The following DOK6 variants were observed in gnomAD, a reference collection of about 807,000 sequenced individuals.
DOK6 encodes the protein docking protein 6.
DOK6 carries 22 observed loss-of-function variants against 44.0 expected under a neutral mutation model. The observed-to-expected ratio is 0.50, with a 90% CI of 0.36 to 0.71. The LOEUF (loss-of-function observed/expected upper bound fraction) is 0.71. Ranked by LOEUF, DOK6 falls within the 30% of genes least tolerant of loss-of-function variation. The pLI, the probability that DOK6 is intolerant of heterozygous loss-of-function variation, is 0.00. For synonymous variants in DOK6, 166 were observed against 145.5 expected (o/e 1.14, Z -1.01); for missense variants, 340 against 416.4 (o/e 0.82, Z 1.60).
chr18:69,651,936 CTAATT>C (rs61326828), intron 3 of DOK6, among the ~76,000 whole-genome samples: 53,821 of 151,658 alleles, frequency 0.35, 10,736 homozygotes, highest in Non-Finnish European at 0.45. Flanking sequence ...AAAAAGGAAA[CTAATT>C]TAAGTTAGCC....
chr18:69,813,858 T>G (rs1981317271), intron 7 of DOK6, among the ~76,000 whole-genome samples: 1 of 152,026 alleles, frequency 6.6e-6, no homozygotes, highest in Non-Finnish European at 1.5e-5. Context: ...CCAGGTTCAG[T>G]TTTTCCGAGT....
At chr18:69,582,952 C>T (rs1364876477) in intron 2 of DOK6, among the ~76,000 whole-genome samples, 1 of 152,106 alleles carries the variant, frequency 6.6e-6, no homozygotes, top group Non-Finnish European at 1.5e-5. Flanking sequence ...TTTACTTTTC[C>T]ATTTCTCCTA....
chr18:69,453,536 TCA>T (rs1979533342), intron 1 of DOK6, among the ~76,000 whole-genome samples: 1 of 70,188 alleles, frequency 1.4e-5, no homozygotes, highest in Non-Finnish European at 2.6e-5. Context: ...ATGACTTTCT[TCA>T]CAGAGTTGGA....
intron 3 of DOK6, among the ~76,000 whole-genome samples, chr18:69,671,071 G>T (rs73465985): frequency 0.018 from 2,780 of 151,890 alleles, 80 homozygotes; most frequent in African/African-American, 0.064. Context: ...GTTCTTTCTT[G>T]TTTTCTCTGG....
intron 7 of DOK6, among the ~76,000 whole-genome samples, chr18:69,769,757 T>C (rs1436586980): frequency 1.3e-5 from 2 of 152,158 alleles, no homozygotes; most frequent in Admixed American, 1.3e-4. Flanking sequence ...CTACTACTTA[T>C]TTCCTGGATC....
At chr18:69,492,610 C>T (rs557570484) in intron 1 of DOK6, among the ~76,000 whole-genome samples, 1 of 151,936 alleles carries the variant, frequency 6.6e-6, no homozygotes. Context: ...GTCCATTGTT[C>T]CCTGTTTTGT....
chr18:69,791,136 CTT>C (rs1980583711), intron 7 of DOK6, among the ~76,000 whole-genome samples: 1 of 152,104 alleles, frequency 6.6e-6, no homozygotes. Flanking sequence ...CTGAATATGT[CTT>C]TATCCATTTG....
chr18:69,433,217 A>G (rs1978855581), intron 1 of DOK6, among the ~76,000 whole-genome samples: 1 of 152,206 alleles, frequency 6.6e-6, no homozygotes, highest in Non-Finnish European at 1.5e-5. Flanking sequence ...GAGATCTGTT[A>G]GCATTTTATT....
At chr18:69,512,791 G>A (rs576785016) in intron 1 of DOK6, among the ~76,000 whole-genome samples, 19 of 152,190 alleles carry the variant, frequency 1.2e-4, no homozygotes, top group South Asian at 8.3e-4. Flanking sequence ...TTAGTGCCCC[G>A]TTTAGATAAT....
chr18:69,805,914 TA>T lies in DOK6; in HGVS notation c.857-35329del, dbSNP rs1420485079. Among the ~76,000 whole-genome samples the T allele has an allele frequency of 2.0e-5, 3 of 151,998 alleles. No homozygotes were observed. In the East Asian group the frequency reaches 5.8e-4, roughly 29 times the overall value. On this transcript the variant is annotated intron_variant, in intron 7 of 7. Transcript: ENST00000382713. ...ACTTTATTATGACAGTAAAGTCTAT[TA>T]TAATAATTTATCTTAATTATTAATT...
intron 1 of DOK6, among the ~76,000 whole-genome samples, chr18:69,484,909 G>A (rs1980531271): frequency 6.6e-6 from 1 of 152,110 alleles, no homozygotes; most frequent in African/African-American, 2.4e-5. Flanking sequence ...AAAGACACTT[G>A]TTTATAGTTA....
In DOK6 at chr18:69,421,150, A is replaced by G. The variant is rs34113987; in HGVS notation, c.66+19840A>G. 9.0e-3 allele frequency among the ~76,000 whole-genome samples: 1,365 copies of G among 152,266 alleles called. 9 individuals are homozygous for G. The highest frequency in any genetic ancestry group is 0.012 in the Non-Finnish European group (840 of 68,016). On this transcript the variant is annotated intron_variant, in intron 1 of 7. Coordinates refer to ENST00000382713, the MANE Select transcript of DOK6 (RefSeq NM_152721.6). ...TGAAAAACCTTTACAAAAACATTCTATATGCAGCAGTATGATTCTGAAATG... is the reference window on the plus strand; with the variant it reads ...TGAAAAACCTTTACAAAAACATTCTGTATGCAGCAGTATGATTCTGAAATG...
intron 3 of DOK6, among the ~76,000 whole-genome samples, chr18:69,640,930 A>G (rs1417672430): frequency 6.6e-6 from 1 of 152,086 alleles, no homozygotes; most frequent in Non-Finnish European, 1.5e-5. Context: ...CATAAAAAAT[A>G]GGCCAGGCAT....
At chr18:69,625,109 C>G (rs1984528399) in intron 3 of DOK6, among the ~76,000 whole-genome samples, 1 of 152,038 alleles carries the variant, frequency 6.6e-6, no homozygotes, top group Non-Finnish European at 1.5e-5. Flanking sequence ...TCTTCCGTGT[C>G]CTTAATACAT....
At chr18:69,765,168 A>G (rs1979680060) in intron 7 of DOK6, among the ~76,000 whole-genome samples, 2 of 152,218 alleles carry the variant, frequency 1.3e-5, no homozygotes, top group Non-Finnish European at 2.9e-5. Context: ...CATTGTATAT[A>G]AATTGCTTCT....
At chr18:69,817,451 G>C (rs188814287) in intron 7 of DOK6, among the ~76,000 whole-genome samples, 61 of 152,248 alleles carry the variant, frequency 4.0e-4, no homozygotes, top group African/African-American at 1.0e-3. Context: ...AAACAACAGA[G>C]ATTTATTTTC....
At chr18:69,609,147 C>A (rs1984074937) in intron 3 of DOK6, among the ~76,000 whole-genome samples, 1 of 151,850 alleles carries the variant, frequency 6.6e-6, no homozygotes, top group African/African-American at 2.4e-5. Context: ...CAAAACTTGG[C>A]GAATGGAAAT....
At chr18:69,690,692 A>G (rs1225910707) in intron 4 of DOK6, among the ~76,000 whole-genome samples, 1 of 152,220 alleles carries the variant, frequency 6.6e-6, no homozygotes, top group African/African-American at 2.4e-5. Flanking sequence ...ATGAATCTAG[A>G]TTCCAAATTC....
In DOK6 at chr18:69,739,053, A is replaced by G; in HGVS notation, c.688A>G (p.Ile230Val). Residue 230 changes from isoleucine (I) to valine (V), a missense_variant, in exon 6 of 8, where the codon ATA becomes GTA. Physicochemically the swap from Ile to Val is conservative, Grantham distance 29. Coordinates refer to ENST00000382713, the MANE Select transcript of DOK6 (RefSeq NM_152721.6). ...YQKVHSATLA[I>V]AEQHERLMLE... The stretch of plus-strand genomic sequence containing the variant: ...GAAGGTTCATTCTGCGACACTGGCC[A>G]TAGCTGAGCAACATGAAAGATTAAT... 2 of 1,614,136 alleles carry G rather than the reference A, an allele frequency of 1.2e-6. No homozygotes were observed. Among genetic ancestry groups the G allele is most frequent in the Non-Finnish European group, 1.7e-6 (2 of 1,179,970 alleles).
Sources: allele counts gnomAD v4.1 joint callset (sites outside exome capture counted in the v4.1 genomes callset), GRCh38; gene constraint gnomAD v4.1.1; transcripts MANE v1.5; gene names NCBI Gene and HGNC (gene_info 2026-07-23, HGNC 2026-07-21).